Variants in MACROD2 observed in about 807,000 individuals in gnomAD.
MACROD2 encodes ADP-ribose glycohydrolase MACROD2.
A neutral mutation model predicts 70.4 loss-of-function variants in MACROD2; 36 were observed. The observed-to-expected ratio is 0.51, with a 90% CI of 0.39 to 0.68. The LOEUF (loss-of-function observed/expected upper bound fraction) is 0.68. Among genes scored for constraint, MACROD2 ranks in the 30% least tolerant of loss-of-function variants. MACROD2 has a pLI of 0.00. For missense variants in MACROD2, 496 were observed against 538.4 expected (o/e 0.92, Z 0.78); for synonymous variants, 172 against 178.8 (o/e 0.96, Z 0.30).
intron 7 of MACROD2, among the ~76,000 whole-genome samples, chr20:15,436,092 C>T (rs573257429): frequency 6.6e-6 from 1 of 152,190 alleles, no homozygotes; most frequent in East Asian, 1.9e-4. Context: ...TCATAACCTT[C>T]TGTTTCAGTA....
chr20:15,215,908 C>A (rs909728021), intron 5 of MACROD2, among the ~76,000 whole-genome samples: 1 of 151,996 alleles, frequency 6.6e-6, no homozygotes, highest in Admixed American at 6.6e-5. Context: ...CTATAATGTA[C>A]AGCAGATAAA....
At chr20:14,895,645 G>A (rs2073818737) in intron 5 of MACROD2, 1 of 152,062 alleles carries the variant, frequency 6.6e-6, no homozygotes, top group Non-Finnish European at 1.5e-5. Context: ...ATGGGGAAAA[G>A]GTGGGGAGGT....
chr20:16,037,843 T>C (rs895076884), intron 15 of MACROD2, among the ~76,000 whole-genome samples: 4 of 151,932 alleles, frequency 2.6e-5, no homozygotes, highest in Admixed American at 2.6e-4. Context: ...CATGTTTTGA[T>C]AAACTTATTT....
At chr20:15,251,286 A>G (rs2077153705) in intron 6 of MACROD2, among the ~76,000 whole-genome samples, 1 of 152,180 alleles carries the variant, frequency 6.6e-6, no homozygotes, top group Non-Finnish European at 1.5e-5. Context: ...AACGTGGTGA[A>G]GTTAGATAAA....
At chr20:15,038,176 A>G (rs1039056166) in intron 5 of MACROD2, among the ~76,000 whole-genome samples, 2 of 152,254 alleles carry the variant, frequency 1.3e-5, no homozygotes, top group African/African-American at 4.8e-5. Context: ...AAATAATCAT[A>G]TAGTTCTTTT....
intron 6 of MACROD2, among the ~76,000 whole-genome samples, chr20:15,301,192 C>T (rs2077638770): frequency 6.6e-6 from 1 of 152,204 alleles, no homozygotes; most frequent in South Asian, 2.1e-4. Flanking sequence ...TTCCTGGCAG[C>T]TGTTGCTATT....
intron 8 of MACROD2, among the ~76,000 whole-genome samples, chr20:15,782,289 T>C (rs551039067): frequency 1.3e-5 from 2 of 152,280 alleles, no homozygotes; most frequent in South Asian, 4.1e-4. Context: ...TAACAATCCA[T>C]TGTAAAGCTT....
At chr20:15,977,567 C>T (rs1038924771) in intron 13 of MACROD2, among the ~76,000 whole-genome samples, 13 of 152,150 alleles carry the variant, frequency 8.5e-5, no homozygotes, top group Admixed American at 2.0e-4. Flanking sequence ...TATTTACAGA[C>T]CTTGATGAGT....
chr20:15,805,668 G>A lies in MACROD2; in HGVS notation c.646-57077G>A, dbSNP rs963986365. ...ATTTTGTATATTTAGTAGAGACGGG[G>A]TTTCTCCATGTTGGTAAGGCTGGTC... On this transcript the variant is annotated intron_variant, in intron 8 of 17. Transcript: ENST00000684519. 1.4e-4 allele frequency among the ~76,000 whole-genome samples: 22 copies of A among 152,136 alleles called. 1 individual carries two copies. The highest frequency in any genetic ancestry group is 1.4e-3 in the Admixed American group (22 of 15,282).
At chr20:14,764,751 T>C (rs374202896) in intron 5 of MACROD2, among the ~76,000 whole-genome samples, 6 of 152,212 alleles carry the variant, frequency 3.9e-5, no homozygotes, top group African/African-American at 1.2e-4. Flanking sequence ...GAGTTCAGAA[T>C]CTATGAATGT....
intron 5 of MACROD2, among the ~76,000 whole-genome samples, chr20:15,226,819 A>G (rs1413608650): frequency 6.6e-6 from 1 of 152,036 alleles, no homozygotes; most frequent in Non-Finnish European, 1.5e-5. Flanking sequence ...TTTATTTTAT[A>G]GGTAAGGAAA....
chr20:15,211,609 C>G (rs1159255873), intron 5 of MACROD2, among the ~76,000 whole-genome samples: 1 of 152,040 alleles, frequency 6.6e-6, no homozygotes, highest in African/African-American at 2.4e-5. Context: ...CACTCTCTTG[C>G]TCTGTCTCTC....
At chr20:14,862,754 G>A (rs1386520864) in intron 5 of MACROD2, among the ~76,000 whole-genome samples, 2 of 130,666 alleles carry the variant, frequency 1.5e-5, no homozygotes, top group African/African-American at 2.9e-5. Context: ...AAAGCAGTGA[G>A]TTCCACCTAA....
At chr20:14,490,704 C>T (rs2084784291) in intron 3 of MACROD2, among the ~76,000 whole-genome samples, 1 of 152,116 alleles carries the variant, frequency 6.6e-6, no homozygotes, top group Non-Finnish European at 1.5e-5. Flanking sequence ...TAATAGGAAG[C>T]ATGTCCAAAA....
In MACROD2 at chr20:14,584,254, A is replaced by T. The variant is rs989936057; in HGVS notation, c.301+90746A>T. On this transcript the variant is annotated intron_variant, in intron 4 of 17. Coordinates refer to ENST00000684519, the MANE Select transcript of MACROD2 (RefSeq NM_001351661.2). ...GGGCATGCCGAGATAACTGAAGCTTATTTATTTAAGTTATGCTTACTTTAG... is the reference window on the plus strand; with the variant it reads ...GGGCATGCCGAGATAACTGAAGCTTTTTTATTTAAGTTATGCTTACTTTAG... Among the ~76,000 whole-genome samples, 4 of 152,326 alleles carry T rather than the reference A, an allele frequency of 2.6e-5. No individual in the cohort carries two copies. In the South Asian group the frequency reaches 6.2e-4, roughly 24 times the overall value.
At chr20:14,708,221 T>C (rs897838672) in intron 5 of MACROD2, among the ~76,000 whole-genome samples, 5 of 152,242 alleles carry the variant, frequency 3.3e-5, no homozygotes, top group Non-Finnish European at 7.3e-5. Context: ...TTAATCTTCC[T>C]GATAACCTCT....
chr20:15,171,576 A>G (rs1369050257), intron 5 of MACROD2, among the ~76,000 whole-genome samples: 1 of 152,076 alleles, frequency 6.6e-6, no homozygotes, highest in African/African-American at 2.4e-5. Flanking sequence ...CTTAACTTGT[A>G]CTTTCTTTAG....
chr20:15,226,487 A>G (rs2076907557), intron 5 of MACROD2, among the ~76,000 whole-genome samples: 2 of 152,324 alleles, frequency 1.3e-5, no homozygotes, highest in East Asian at 1.9e-4. Flanking sequence ...CTTTGCATCC[A>G]TGTATATTAC....
chr20:15,170,945 G>A (rs2076418061), intron 5 of MACROD2, among the ~76,000 whole-genome samples: 4 of 152,294 alleles, frequency 2.6e-5, no homozygotes, highest in Middle Eastern at 3.4e-3. Context: ...GCACCAGGCA[G>A]TTAGCCTGGG....
Sources: gnomAD v4.1 joint callset for allele counts (sites outside exome capture counted in the v4.1 genomes callset) on GRCh38, gnomAD v4.1.1 for gene constraint, MANE v1.5 for transcripts, NCBI Gene and HGNC (gene_info 2026-07-23, HGNC 2026-07-21) for gene names.